The following BCAS3 variants were observed in gnomAD, a reference collection of about 807,000 sequenced individuals.
The protein encoded by BCAS3 is BCAS3 microtubule associated cell migration factor.
Under a neutral mutation model 116.1 loss-of-function variants are expected in BCAS3, and 53 were observed. The observed-to-expected ratio is 0.46, with a 90% CI of 0.37 to 0.57. BCAS3 has a LOEUF of 0.57. Among genes scored for constraint, BCAS3 ranks in the 20% least tolerant of loss-of-function variants. BCAS3 has a pLI of 0.00. For synonymous variants in BCAS3, 391 were observed against 408.2 expected (o/e 0.96, Z 0.51); for missense variants, 917 against 1,165.4 (o/e 0.79, Z 3.10).
Position 61,388,491 on chromosome 17 carries a change from C to G in BCAS3, c.2594-3486C>G, listed in dbSNP as rs2059964409. Reference sequence around the variant, plus strand: ...TCACTGTCCTCCTTGACTGCAAACTCCCCCTCCTCACGGTGTGCCCCTGCG... The same window carrying G: ...TCACTGTCCTCCTTGACTGCAAACTGCCCCTCCTCACGGTGTGCCCCTGCG... On this transcript the variant is annotated intron_variant, in intron 23 of 23. Coordinates refer to ENST00000407086, the MANE Select transcript of BCAS3 (RefSeq NM_017679.5). This position sits in a 1 kb window ranked among gnomAD's most constrained non-coding sequence, Gnocchi z 6.5. The G allele has an allele frequency of 1.2e-6, 1 of 813,128 alleles. No homozygotes were observed. Among genetic ancestry groups the G allele is most frequent in the East Asian group, 2.7e-5 (1 of 36,556 alleles). The allele number at this position is 813,128 out of a possible 1,614,324, so 50.4% of individuals were successfully genotyped here.
intron 22 of BCAS3, among the ~76,000 whole-genome samples, chr17:61,351,546 T>C (rs1356908936): frequency 6.6e-6 from 1 of 152,212 alleles, no homozygotes; most frequent in Non-Finnish European, 1.5e-5. Context: ...ATTCCTCTTA[T>C]ACAGTGGAGA....
At chr17:60,903,974 G>A (rs1172166653) in intron 11 of BCAS3, among the ~76,000 whole-genome samples, 1 of 152,120 alleles carries the variant, frequency 6.6e-6, no homozygotes, top group Non-Finnish European at 1.5e-5. Context: ...GTAATTTTTA[G>A]TTATGGAATG....
intron 7 of BCAS3, among the ~76,000 whole-genome samples, chr17:60,816,428 C>A (rs2049413558): frequency 6.6e-6 from 1 of 151,976 alleles, no homozygotes; most frequent in South Asian, 2.1e-4. Context: ...GTGTGCACCA[C>A]CACGCCCAGC....
At chr17:60,971,560 C>T (rs1032342114) in intron 14 of BCAS3, among the ~76,000 whole-genome samples, 7 of 152,154 alleles carry the variant, frequency 4.6e-5, no homozygotes, top group African/African-American at 1.7e-4. Flanking sequence ...TGGGGTTATA[C>T]AGCTATCAAG....
In BCAS3 at chr17:61,388,439, T is replaced by G; in HGVS notation, c.2594-3538T>G. On this transcript the variant is annotated intron_variant, in intron 23 of 23. Coordinates refer to ENST00000407086, the MANE Select transcript of BCAS3 (RefSeq NM_017679.5). This position sits in a 1 kb window ranked among gnomAD's most constrained non-coding sequence, Gnocchi z 6.5. ...CCATCTCTGGGACCCCCAAGACAGA[T>G]TGGTCCCCAGCCCCTACACATGCAT... 1 of 571,504 alleles carries G rather than the reference T, an allele frequency of 1.7e-6. No homozygotes were observed. The highest frequency in any genetic ancestry group is 3.1e-6 in the Non-Finnish European group (1 of 323,636). The allele number at this position is 571,504 out of a possible 1,614,324, so 35.4% of individuals were successfully genotyped here.
In BCAS3 at chr17:61,161,105, A is replaced by T. The variant is rs1001399078; in HGVS notation, c.2425+76541A>T. ...AGGATAGCATGTCTGAAAAAAGCTA[A>T]CATAAAAGTCTCAATTAGGTTGCTG... On this transcript the variant is annotated intron_variant, in intron 22 of 23. Coordinates refer to ENST00000407086, the MANE Select transcript of BCAS3 (RefSeq NM_017679.5). This position sits in a 1 kb window ranked among gnomAD's most constrained non-coding sequence, Gnocchi z 4.8. Among the ~76,000 whole-genome samples, 1 of 152,190 alleles carries T rather than the reference A, an allele frequency of 6.6e-6. No homozygotes were observed. The highest frequency in any genetic ancestry group is 1.5e-5 in the Non-Finnish European group (1 of 68,032).
Position 61,026,737 on chromosome 17 carries a change from T to C in BCAS3, c.1638-7929T>C, listed in dbSNP as rs2066273268. 1.2e-6 allele frequency: 1 copy of C among 847,360 alleles called. No homozygotes were observed. Among genetic ancestry groups the C allele is most frequent in the Non-Finnish European group, 1.9e-6 (1 of 521,706 alleles). The allele number at this position is 847,360 out of a possible 1,614,324, so 52.5% of individuals were successfully genotyped here. The stretch of plus-strand genomic sequence containing the variant: ...ATATCAGACAGTATGTACAGCAGAA[T>C]TGTAAATGATTACTAATTTTTTAGT... On this transcript the variant is annotated intron_variant, in intron 16 of 23. Coordinates refer to ENST00000407086, the MANE Select transcript of BCAS3 (RefSeq NM_017679.5). The surrounding 1 kb of genome is among the most constrained non-coding windows in gnomAD (Gnocchi z 5.0).
intron 4 of BCAS3, among the ~76,000 whole-genome samples, chr17:60,707,154 C>T (rs994424034): frequency 1.1e-4 from 17 of 151,928 alleles, no homozygotes; most frequent in East Asian, 1.9e-4. Flanking sequence ...CCACCATGCC[C>T]GGCTAATTTT....
chr17:61,127,072 A>G (rs1227785001), intron 22 of BCAS3, among the ~76,000 whole-genome samples: 1 of 152,174 alleles, frequency 6.6e-6, no homozygotes, highest in Non-Finnish European at 1.5e-5. Context: ...GATACATCTC[A>G]GCAGCTGCAT....
intron 7 of BCAS3, among the ~76,000 whole-genome samples, chr17:60,814,306 T>TGTGTGTGTGTGCGCGCGCGCGTGTGCGC (rs368289350): frequency 6.7e-6 from 1 of 148,196 alleles, no homozygotes; most frequent in African/African-American, 2.5e-5. Context: ...TGTGTGTGTG[T>TGTGTGTGTGTGCGCGCGCGCGTGTGCGC]GCGCGCGTGC....
intron 22 of BCAS3, among the ~76,000 whole-genome samples, chr17:61,207,959 C>T (rs956141736): frequency 6.6e-6 from 1 of 152,104 alleles, no homozygotes; most frequent in African/African-American, 2.4e-5. Context: ...AATTCTCAGT[C>T]AGATTCTTGC....
intron 5 of BCAS3, among the ~76,000 whole-genome samples, chr17:60,710,676 C>T (rs1353006781): frequency 1.3e-5 from 2 of 152,026 alleles, no homozygotes; most frequent in Non-Finnish European, 2.9e-5. Flanking sequence ...CGTGATCCGC[C>T]CGCCTTGGCC....
Position 61,380,475 on chromosome 17 carries a change from G to A in BCAS3, c.2594-11502G>A, listed in dbSNP as rs1008538799. 8.9e-6 allele frequency: 14 copies of A among 1,581,352 alleles called. No individual in the cohort carries two copies. Among genetic ancestry groups the A allele is most frequent in the Admixed American group, 1.7e-5 (1 of 59,656 alleles). On this transcript the variant is annotated intron_variant, in intron 23 of 23. Coordinates refer to ENST00000407086, the MANE Select transcript of BCAS3 (RefSeq NM_017679.5). This position sits in a 1 kb window ranked among gnomAD's most constrained non-coding sequence, Gnocchi z 4.2. ...CTCTTAAAGGTCCAGTTTGTGATCC[G>A]CTTTAAAGGAATATTTTATTTTCAA...
chr17:60,717,729 C>A (rs2038795671), intron 5 of BCAS3, among the ~76,000 whole-genome samples: 1 of 152,158 alleles, frequency 6.6e-6, no homozygotes, highest in South Asian at 2.1e-4. Context: ...CAGTCCCCAA[C>A]CTTTTTGGCA....
chr17:61,084,424 T>C lies in BCAS3; in HGVS notation c.2328-43T>C. On this transcript the variant is annotated intron_variant, in intron 21 of 23. Coordinates refer to ENST00000407086, the MANE Select transcript of BCAS3 (RefSeq NM_017679.5). This position sits in a 1 kb window ranked among gnomAD's most constrained non-coding sequence, Gnocchi z 5.5. Reference sequence around the variant, plus strand: ...GGTCATTTGTAGCAAGTGACAGTTTTGATGCCAGTAACATATGTGAATTAA... The same window carrying C: ...GGTCATTTGTAGCAAGTGACAGTTTCGATGCCAGTAACATATGTGAATTAA... 2 of 1,499,282 alleles carry C rather than the reference T, an allele frequency of 1.3e-6. No homozygotes were observed. 92.9% of individuals were successfully genotyped at this position (1,499,282 alleles called of 1,614,324 possible).
chr17:60,969,867 C>T (rs1181658308), intron 14 of BCAS3, among the ~76,000 whole-genome samples: 1 of 152,166 alleles, frequency 6.6e-6, no homozygotes, highest in Non-Finnish European at 1.5e-5. Context: ...AGTCAGAAGA[C>T]AGTGGAATAA....
chr17:61,027,513 T>A, intron 16 of BCAS3: 1 of 370,908 alleles, frequency 2.7e-6, no homozygotes, highest in Non-Finnish European at 5.2e-6. Context: ...TTCTTTCATG[T>A]CAGTGCACAG....
In BCAS3 at chr17:61,205,148, G is replaced by T. The variant is rs1199791903; in HGVS notation, c.2425+120584G>T. 6.6e-6 allele frequency among the ~76,000 whole-genome samples: 1 copy of T among 151,204 alleles called. No homozygotes were observed. The highest frequency in any genetic ancestry group is 1.5e-5 in the Non-Finnish European group (1 of 67,808). ...TATTATTTTTCTCATTTCTACCTATGAAAAAAAGGTTGAAACTGAAAGAAA... is the reference window on the plus strand; with the variant it reads ...TATTATTTTTCTCATTTCTACCTATTAAAAAAAGGTTGAAACTGAAAGAAA... On this transcript the variant is annotated intron_variant, in intron 22 of 23. Coordinates refer to ENST00000407086, the MANE Select transcript of BCAS3 (RefSeq NM_017679.5). This position sits in a 1 kb window ranked among gnomAD's most constrained non-coding sequence, Gnocchi z 5.2.
chr17:61,357,249 T>A (rs1446579564), intron 22 of BCAS3, among the ~76,000 whole-genome samples: 1 of 136,928 alleles, frequency 7.3e-6, no homozygotes, highest in African/African-American at 2.7e-5. Context: ...CTACAAAAAA[T>A]AAATAAATAA....
Sources: gnomAD v4.1 joint callset for allele counts (sites outside exome capture counted in the v4.1 genomes callset) on GRCh38, gnomAD v4.1.1 for gene constraint, Gnocchi (gnomAD v3.1) non-coding constraint, MANE v1.5 for transcripts, NCBI Gene and HGNC (gene_info 2026-07-23, HGNC 2026-07-21) for gene names.